ELL: variants seen among roughly 807,000 people sequenced by gnomAD.
ELL encodes the protein elongation factor for RNA polymerase II.
Under a neutral mutation model 64.0 loss-of-function variants are expected in ELL, and 18 were observed. The observed-to-expected ratio is 0.28, with a 90% CI of 0.19 to 0.42. ELL has a LOEUF of 0.42. Ranked by LOEUF, ELL falls within the 10% of genes least tolerant of loss-of-function variation. The pLI is 1.00. For missense variants in ELL, 797 were observed against 870.4 expected, an observed-to-expected ratio of 0.92 and a Z score of 1.06; for synonymous variants, 399 against 376.2, an observed-to-expected ratio of 1.06 and a Z score of -0.70.
At chr19:18,470,088 G>A (rs1405927872) in intron 2 of ELL, among the ~76,000 whole-genome samples, 1 of 152,264 alleles carries the variant, frequency 6.6e-6, no homozygotes, top group Non-Finnish European at 1.5e-5. Flanking sequence ...AGGCTGAGGT[G>A]GGTGGATCAC....
chr19:18,445,393 C>T, intron 10 of ELL, 125 bp from the exon 11 acceptor site: 1 of 995,046 alleles, frequency 1.0e-6, no homozygotes, highest in Non-Finnish European at 1.6e-6. Context: ...AGGACAAGGC[C>T]AAGTAACACC....
At chr19:18,458,051 G>A (rs921536026) in intron 6 of ELL, among the ~76,000 whole-genome samples, 154 bp downstream of exon 6, 1 of 152,192 alleles carries the variant, frequency 6.6e-6, no homozygotes, top group African/African-American at 2.4e-5. Flanking sequence ...GGGCAGTAGG[G>A]AGGATGGCCA....
chr19:18,500,359 T>A (rs187843827), intron 1 of ELL, among the ~76,000 whole-genome samples: 15 of 152,012 alleles, frequency 9.9e-5, no homozygotes, highest in Non-Finnish European at 2.2e-4. Context: ...CCTGTGCATA[T>A]CGTGGGTTTG....
intron 9 of ELL, 70 bp downstream of exon 9, chr19:18,446,678 C>T: frequency 6.3e-7 from 1 of 1,582,340 alleles, no homozygotes; most frequent in Non-Finnish European, 8.6e-7. Flanking sequence ...TGATAACCTG[C>T]AGTGCTGGGG....
intron 10 of ELL, 92 bp from the exon 11 acceptor site, chr19:18,445,360 CA>C: frequency 1.4e-6 from 1 of 733,702 alleles, no homozygotes; most frequent in East Asian, 3.1e-5. Flanking sequence ...GAGAAGGGGG[CA>C]TGGGAGGGTG....
Position 18,484,641 on chromosome 19 carries a change from A to G in ELL, c.136-11759T>C, listed in dbSNP as rs141666562. ...GGTGACAGAGAGAGATACTGTCTTT[A>G]GAACAAAACAAAACAAAACATAACA... On this transcript the variant is annotated intron_variant, in intron 1 of 11. Coordinates refer to ENST00000262809, the MANE Select transcript of ELL (RefSeq NM_006532.4). Among the ~76,000 whole-genome samples the G allele has an allele frequency of 1.6e-3, 241 of 152,306 alleles. 4 individuals are homozygous for G. Among genetic ancestry groups the G allele is most frequent in the African/African-American group, 5.4e-3 (225 of 41,568 alleles).
chr19:18,472,800 G>C (rs917627832), intron 2 of ELL, 35 bp downstream of exon 2: 1 of 1,532,170 alleles, frequency 6.5e-7, no homozygotes, highest in African/African-American at 1.4e-5. Flanking sequence ...CCAGTCCCAA[G>C]ATTCCAAATA....
chr19:18,465,509 G>A lies in ELL; in HGVS notation c.372C>T (p.Asp124=), dbSNP rs150214090. The A allele has an allele frequency of 4.8e-5, 78 of 1,612,966 alleles. No homozygotes were observed. The African/African-American group carries it at 8.3e-4, about 17-fold the overall frequency. ...TCTGCCGCGCCTTCTGGTAGGAGTCGTCGGTGGCACACACCGTGATCTTGT... is the reference window on the plus strand; with the variant it reads ...TCTGCCGCGCCTTCTGGTAGGAGTCATCGGTGGCACACACCGTGATCTTGT... ...IQDKITVCAT[D]DSYQKARQSM... is the part of the protein sequence containing the mutation. Residue 124 remains aspartate, a synonymous_variant, in exon 4 of 12, where the codon GAC becomes GAT. Transcript: ENST00000262809.
chr19:18,497,281 A>G (rs942865092), intron 1 of ELL, among the ~76,000 whole-genome samples: 3 of 152,264 alleles, frequency 2.0e-5, no homozygotes, highest in African/African-American at 7.2e-5. Context: ...AAGGCTGCAC[A>G]CTGCACAGTT....
Position 18,465,777 on chromosome 19 carries a change from G to A in ELL, c.305+20C>T, listed in dbSNP as rs745829458. On this transcript the variant is annotated intron_variant, in intron 3 of 11. Coordinates refer to ENST00000262809, the MANE Select transcript of ELL (RefSeq NM_006532.4). Reference sequence around the variant, plus strand: ...ACCTCAAGAGCCGGCGGGGTGCTCTGGGGTGGGGCGGCGCCTCACCTGGAG... The same window carrying A: ...ACCTCAAGAGCCGGCGGGGTGCTCTAGGGTGGGGCGGCGCCTCACCTGGAG... The A allele has an allele frequency of 2.3e-5, 33 of 1,424,540 alleles. No individual in the cohort carries two copies. The highest frequency in any genetic ancestry group is 3.0e-5 in the Non-Finnish European group (32 of 1,082,584). 88.2% of individuals were successfully genotyped at this position (1,424,540 alleles called of 1,614,324 possible).
chr19:18,478,333 G>T (rs903863628), intron 1 of ELL, among the ~76,000 whole-genome samples: 9 of 152,204 alleles, frequency 5.9e-5, no homozygotes, highest in African/African-American at 2.2e-4. Context: ...GCCTCAGGCT[G>T]CATTAATTAA....
At chr19:18,470,228 C>T (rs1429260191) in intron 2 of ELL, among the ~76,000 whole-genome samples, 1 of 152,248 alleles carries the variant, frequency 6.6e-6, no homozygotes, top group Non-Finnish European at 1.5e-5. Context: ...TATTAGGCTC[C>T]AGGTCAAGGC....
At chr19:18,502,422 C>T (rs1213215277) in intron 1 of ELL, among the ~76,000 whole-genome samples, 1 of 152,138 alleles carries the variant, frequency 6.6e-6, no homozygotes, top group African/African-American at 2.4e-5. Context: ...GACTGTGCCT[C>T]GCAGTGGGCA....
intron 1 of ELL, among the ~76,000 whole-genome samples, chr19:18,520,576 G>A (rs771619946): frequency 6.6e-6 from 1 of 152,088 alleles, no homozygotes; most frequent in Non-Finnish European, 1.5e-5. Flanking sequence ...GCACGGAAGG[G>A]GTGGGCACCG....
intron 1 of ELL, among the ~76,000 whole-genome samples, chr19:18,515,562 T>C (rs543018172): frequency 5.9e-5 from 9 of 152,260 alleles, no homozygotes; most frequent in Non-Finnish European, 1.3e-4. Context: ...AATGCAGTAC[T>C]GTGGGTGGCA....
intron 1 of ELL, among the ~76,000 whole-genome samples, chr19:18,509,770 C>T (rs1975977442): frequency 6.6e-6 from 1 of 152,142 alleles, no homozygotes; most frequent in Admixed American, 6.5e-5. Flanking sequence ...CCACCTTCAG[C>T]AAATGCCTCA....
At chr19:18,472,627 G>T in intron 2 of ELL, 1 of 575,976 alleles carries the variant, frequency 1.7e-6, no homozygotes, top group Non-Finnish European at 3.0e-6. Context: ...GCCGCCCATT[G>T]CCCAAGCAGC....
intron 6 of ELL, among the ~76,000 whole-genome samples, chr19:18,454,734 G>A (rs962773231): frequency 7.3e-5 from 11 of 150,088 alleles, no homozygotes; most frequent in African/African-American, 2.5e-4. Context: ...CCAGCTACTC[G>A]GGAAGCTGAG....
chr19:18,450,311 GGGTGCCA>G (rs890763570), intron 8 of ELL, among the ~76,000 whole-genome samples, 159 bp downstream of exon 8: 2 of 148,426 alleles, frequency 1.3e-5, no homozygotes, highest in Non-Finnish European at 3.1e-5. Flanking sequence ...CAGGAACATA[GGGTGCCA>G]GGTGCCAGGC....
Sources: allele counts gnomAD v4.1 joint callset (sites outside exome capture counted in the v4.1 genomes callset), GRCh38; gene constraint gnomAD v4.1.1; transcripts MANE v1.5; gene names NCBI Gene and HGNC (gene_info 2026-07-23, HGNC 2026-07-21).